The following MLLT1 variants were observed in gnomAD, a reference collection of about 807,000 sequenced individuals.
MLLT1 encodes protein ENL.
In MLLT1, 11 loss-of-function variants were observed where a neutral mutation model predicts 55.1. The ratio of observed to expected loss-of-function variants is 0.20; its 90% CI spans 0.13 to 0.33. The LOEUF (loss-of-function observed/expected upper bound fraction) is 0.33. Ranked by LOEUF, MLLT1 falls within the 10% of genes least tolerant of loss-of-function variation. The pLI is 1.00. For missense variants in MLLT1, 536 were observed against 760.6 expected, an observed-to-expected ratio of 0.70 and a Z score of 3.47; for synonymous variants, 323 against 320.1, an observed-to-expected ratio of 1.01 and a Z score of -0.10.
At chr19:6,239,355 G>A (rs1424284348) in intron 3 of MLLT1, among the ~76,000 whole-genome samples, 2 of 152,224 alleles carry the variant, frequency 1.3e-5, no homozygotes, top group African/African-American at 4.8e-5. Context: ...GGGTCACCGA[G>A]GCACCCCTGC....
chr19:6,220,817 T>C (rs1030386271), intron 6 of MLLT1, among the ~76,000 whole-genome samples: 1 of 152,104 alleles, frequency 6.6e-6, no homozygotes. Context: ...TCAGGCTCGG[T>C]GCCCAGCAGG....
At chr19:6,251,347 C>A (rs1315294907) in intron 3 of MLLT1, among the ~76,000 whole-genome samples, 1 of 152,296 alleles carries the variant, frequency 6.6e-6, no homozygotes, top group East Asian at 1.9e-4. Context: ...TTTGGACATA[C>A]AACGGCTAGC....
At chr19:6,247,029 A>C (rs567232618) in intron 3 of MLLT1, among the ~76,000 whole-genome samples, 2 of 152,192 alleles carry the variant, frequency 1.3e-5, no homozygotes, top group African/African-American at 4.8e-5. Context: ...CACAGTACAG[A>C]TATCGGGAGC....
intron 3 of MLLT1, among the ~76,000 whole-genome samples, chr19:6,253,683 A>T (rs2091236881): frequency 6.6e-6 from 1 of 152,174 alleles, no homozygotes; most frequent in Non-Finnish European, 1.5e-5. Context: ...CTACATAAAA[A>T]TCCATCAGCG....
At chr19:6,216,642 C>G in intron 7 of MLLT1, 129 bp from the exon 8 acceptor site, 1 of 631,664 alleles carries the variant, frequency 1.6e-6, no homozygotes, top group South Asian at 1.9e-5. Context: ...CGCCCGTCCA[C>G]CTGGGGGTCC....
intron 3 of MLLT1, chr19:6,259,818 AAAC>A (rs1297667808): frequency 6.6e-6 from 1 of 151,616 alleles, no homozygotes; most frequent in Non-Finnish European, 1.5e-5. Flanking sequence ...AAAAAAAAAA[AAAC>A]AGAAAAACTG....
rs1254729308 is a variant in MLLT1 at position 6,256,333 on chromosome 19, C to T, written c.276+5895G>A. On this transcript the variant is annotated intron_variant, in intron 3 of 11. Transcript: ENST00000252674. This position sits in a 1 kb window ranked among gnomAD's most constrained non-coding sequence, Gnocchi z 4.1. ...AATTAGCTGGATGTGGTGGTGCAGGCCCGTGGTTCCAGCTACCTGGGAGGC... is the reference window on the plus strand; with the variant it reads ...AATTAGCTGGATGTGGTGGTGCAGGTCCGTGGTTCCAGCTACCTGGGAGGC... Among the ~76,000 whole-genome samples the T allele has an allele frequency of 2.6e-5, 4 of 152,110 alleles. No individual in the cohort carries two copies. The highest frequency in any genetic ancestry group is 2.9e-5 in the Non-Finnish European group (2 of 68,024).
intron 3 of MLLT1, among the ~76,000 whole-genome samples, chr19:6,244,358 G>A (rs1160096278): frequency 1.4e-5 from 2 of 147,584 alleles, no homozygotes; most frequent in Non-Finnish European, 3.0e-5. Context: ...CACTGTAAAC[G>A]AACATTAAAA....
chr19:6,255,050 T>C (rs2091247356), intron 3 of MLLT1, among the ~76,000 whole-genome samples: 1 of 149,602 alleles, frequency 6.7e-6, no homozygotes, highest in Admixed American at 6.6e-5. Context: ...ACAAGATCAA[T>C]ACACAAAAAT....
At chr19:6,269,623 A>AGGGTCCT (rs1449041842) in intron 2 of MLLT1, among the ~76,000 whole-genome samples, 15 of 152,186 alleles carry the variant, frequency 9.9e-5, no homozygotes, top group South Asian at 2.1e-4. Flanking sequence ...GCTCAGGGCC[A>AGGGTCCT]GGGTCCTGGG....
At position 6,217,940 on chromosome 19, in the gene MLLT1, C is replaced by G. The variant is rs1362148730; in HGVS notation, c.1198+14G>C. 5 of 1,591,274 alleles carry G rather than the reference C, an allele frequency of 3.1e-6. No individual in the cohort carries two copies. The highest frequency in any genetic ancestry group is 4.3e-6 in the Non-Finnish European group (5 of 1,170,388). On this transcript the variant is annotated intron_variant, in intron 7 of 11. Transcript: ENST00000252674. ...CGGCCCCATCCGTGCCCCCCAGCTG[C>G]TCTCCATACACACCTTGGCTGTGGT...
At chr19:6,243,652 C>A (rs1457333141) in intron 3 of MLLT1, among the ~76,000 whole-genome samples, 4 of 117,732 alleles carry the variant, frequency 3.4e-5, no homozygotes, top group East Asian at 2.0e-4. Context: ...ACCTCCCTCA[C>A]ACTCGCCCCA....
chr19:6,265,664 C>G (rs1489124346), intron 2 of MLLT1, among the ~76,000 whole-genome samples: 2 of 149,282 alleles, frequency 1.3e-5, no homozygotes, highest in Admixed American at 1.3e-4. Flanking sequence ...GAGTGAAACT[C>G]TGTTTCAACA....
At chr19:6,258,430 G>C (rs769406361) in intron 3 of MLLT1, among the ~76,000 whole-genome samples, 1 of 152,106 alleles carries the variant, frequency 6.6e-6, no homozygotes, top group Non-Finnish European at 1.5e-5. Context: ...TGCCCAACAC[G>C]CATGTTCCCA....
chr19:6,242,010 C>G (rs1363860473), intron 3 of MLLT1, among the ~76,000 whole-genome samples: 1 of 152,180 alleles, frequency 6.6e-6, no homozygotes, highest in East Asian at 1.9e-4. Flanking sequence ...AGCCTGGGAG[C>G]CAGGGAGGGA....
At chr19:6,249,085 G>A (rs954699339) in intron 3 of MLLT1, among the ~76,000 whole-genome samples, 2 of 152,032 alleles carry the variant, frequency 1.3e-5, no homozygotes, top group African/African-American at 2.4e-5. Flanking sequence ...TTCTGATGAC[G>A]TTTCCATATC....
intron 3 of MLLT1, among the ~76,000 whole-genome samples, chr19:6,233,057 A>T (rs1389355619): frequency 6.6e-6 from 1 of 152,142 alleles, no homozygotes; most frequent in African/African-American, 2.4e-5. Flanking sequence ...CCCTTTCCCC[A>T]GCAGCCTAAG....
rs71172800 is a variant in MLLT1, at chr19:6,253,264, CAAAAAAAAAAAAAA to C, written c.276+8950_276+8963del. On this transcript the variant is annotated intron_variant, in intron 3 of 11. Transcript: ENST00000252674. ...TGGGCGACAGAGCGAGACCCCATCT[CAAAAAAAAAAAAAA>C]AAAAAAAAAAAAAAAAGAAGTGGAG... Among the ~76,000 whole-genome samples, 82 of 24,572 alleles carry C rather than the reference CAAAAAAAAAAAAAA, an allele frequency of 3.3e-3. 1 individual carries two copies. Among genetic ancestry groups the C allele is most frequent in the Admixed American group, 0.027 (36 of 1,316 alleles). 16.1% of individuals were successfully genotyped at this position (24,572 alleles called of 152,430 possible).
intron 2 of MLLT1, among the ~76,000 whole-genome samples, chr19:6,268,473 G>A (rs1193114160): frequency 2.0e-5 from 3 of 152,198 alleles, no homozygotes; most frequent in African/African-American, 4.8e-5. Context: ...GACTAAGGAG[G>A]CCAGGAACAG....
Sources: allele counts gnomAD v4.1 joint callset (sites outside exome capture counted in the v4.1 genomes callset), GRCh38; gene constraint gnomAD v4.1.1; non-coding constraint Gnocchi (gnomAD v3.1); transcripts MANE v1.5; gene names NCBI Gene and HGNC (gene_info 2026-07-23, HGNC 2026-07-21).